HMCN2: variants seen among roughly 807,000 people sequenced by gnomAD.
The protein encoded by HMCN2 is hemicentin 2.
HMCN2 carries 325 observed loss-of-function variants against 377.5 expected under a neutral mutation model. The ratio of observed to expected loss-of-function variants is 0.86; its 90% CI spans 0.79 to 0.94. The LOEUF is 0.94. Among genes scored for constraint, HMCN2 ranks in the 40% least tolerant of loss-of-function variants. The pLI is 0.00. For synonymous variants in HMCN2, 2,007 were observed against 2,046.8 expected (o/e 0.98, Z 0.53); for missense variants, 4,543 against 4,725.3 (o/e 0.96, Z 1.13).
In HMCN2 at chr9:130,398,023, C is replaced by T. The variant is rs971514565; in HGVS notation, c.11326+368C>T. ...TTTAAATTAGCCAAGCATGGTGGCA[C>T]GTGCCTGTAGTCCCAGCTACTTGGG... On this transcript the variant is annotated intron_variant, in intron 74 of 97. Coordinates refer to ENST00000683500, the MANE Select transcript of HMCN2 (RefSeq NM_001291815.2). 1.3e-5 allele frequency among the ~76,000 whole-genome samples: 2 copies of T among 151,306 alleles called. 1 individual carries two copies. The highest frequency in any genetic ancestry group is 4.2e-4 in the South Asian group (2 of 4,768).
intron 12 of HMCN2, 111 bp downstream of exon 12, chr9:130,306,381 C>G: frequency 2.4e-6 from 1 of 409,788 alleles, no homozygotes; most frequent in Non-Finnish European, 5.1e-6. Context: ...GAGAATTTGC[C>G]TTCCTTGCTC....
At chr9:130,386,735 C>T (rs185510797) in intron 61 of HMCN2, among the ~76,000 whole-genome samples, 47 of 152,308 alleles carry the variant, frequency 3.1e-4, no homozygotes, top group African/African-American at 1.1e-3. Context: ...GTTTCGAACC[C>T]CTGGGCTCAA....
At chr9:130,320,641 C>T (rs1172698279) in intron 17 of HMCN2, 135 bp from the exon 18 acceptor site, 2 of 152,420 alleles carry the variant, frequency 1.3e-5, no homozygotes, top group Non-Finnish European at 2.9e-5. Flanking sequence ...CCTGGGGGTC[C>T]TGTGACCCTT....
chr9:130,425,558 G>C, intron 89 of HMCN2, 129 bp from the exon 90 acceptor site: 1 of 697,384 alleles, frequency 1.4e-6, no homozygotes, highest in Non-Finnish European at 2.5e-6. Flanking sequence ...TCAAGCCCCT[G>C]AGTTGGGGTA....
chr9:130,418,225 T>C (rs371535592), intron 85 of HMCN2, among the ~76,000 whole-genome samples: 21 of 152,274 alleles, frequency 1.4e-4, no homozygotes, highest in African/African-American at 4.8e-4. Flanking sequence ...AACAGATATG[T>C]AACTGCATGG....
chr9:130,269,165 A>G (rs552797226), intron 1 of HMCN2, among the ~76,000 whole-genome samples: 1 of 147,400 alleles, frequency 6.8e-6, no homozygotes, highest in South Asian at 2.2e-4. Flanking sequence ...ACAAACTAAG[A>G]TCCGTGCTTC....
chr9:130,374,617 C>T lies in HMCN2; in HGVS notation c.7554C>T (p.Ser2518=). 1 of 985,786 alleles carries T rather than the reference C, an allele frequency of 1.0e-6. No individual in the cohort carries two copies. The highest frequency in any genetic ancestry group is 1.2e-6 in the Non-Finnish European group (1 of 829,940). 61.1% of individuals were successfully genotyped at this position (985,786 alleles called of 1,614,324 possible). ...VLLQVLQANL[S]SAGHYSCIAA... ...TGCAGGTCCTCCAGGCAAACCTGTC[C>T]AGTGCTGGCCACTACTCCTGCATTG... The change falls in exon 49 of 98, where the codon TCC becomes TCT. Residue 2518 remains serine, a synonymous_variant. Coordinates refer to ENST00000683500, the MANE Select transcript of HMCN2 (RefSeq NM_001291815.2).
In HMCN2 at chr9:130,407,659, G is replaced by A; in HGVS notation, c.12642G>A (p.Glu4214=). Residue 4214 remains glutamate (E), a synonymous_variant, in exon 83 of 98, where the codon GAG becomes GAA. Coordinates refer to ENST00000683500, the MANE Select transcript of HMCN2 (RefSeq NM_001291815.2). ...EDSGTYVCWA[E]NRVGRTQAVS... ...GCGGGACCTATGTCTGCTGGGCGGA[G>A]AACAGAGTGGGCCGCACGCAGGCGG... 4 of 1,278,120 alleles carry A rather than the reference G, an allele frequency of 3.1e-6. No individual in the cohort carries two copies. Among genetic ancestry groups the A allele is most frequent in the South Asian group, 1.2e-5 (1 of 80,322 alleles). 79.2% of individuals were successfully genotyped at this position (1,278,120 alleles called of 1,614,324 possible).
chr9:130,348,545 T>G lies in HMCN2; in HGVS notation c.4025T>G (p.Val1342Gly), dbSNP rs747892344. The change falls in exon 27 of 98, where the codon GTG becomes GGG. Residue 1342 changes from valine to glycine, a missense_variant and splice_region_variant. This residue lies in a region of HMCN2 where 547 missense variants were observed against 189.9 expected (regional missense o/e 2.88). Transcript: ENST00000683500. Reference protein sequence around the residue: ...TSRRAKLVVYVPPSIREDGRK... With the variant: ...TSRRAKLVVYGPPSIREDGRK... ...CTCCTCGGCTCTCCTTGCCCCCAAG[T>G]GCCCCCCAGCATCCGGGAGGACGGG... is the stretch of plus-strand genomic sequence containing the variant. 7.7e-7 allele frequency: 1 copy of G among 1,303,866 alleles called. No individual in the cohort carries two copies. The highest frequency in any genetic ancestry group is 1.2e-5 in the South Asian group (1 of 81,008). 80.8% of individuals were successfully genotyped at this position (1,303,866 alleles called of 1,614,324 possible).
chr9:130,424,339 C>T (rs1021933185), intron 87 of HMCN2, among the ~76,000 whole-genome samples: 6 of 118,260 alleles, frequency 5.1e-5, no homozygotes, highest in African/African-American at 1.0e-4. Flanking sequence ...CCACGGCGCC[C>T]GGCTAATTTT....
At position 130,351,604 on chromosome 9, in the gene HMCN2, C is replaced by T. The variant is rs188464237; in HGVS notation, c.4585+27C>T. On this transcript the variant is annotated intron_variant, in intron 30 of 97. Coordinates refer to ENST00000683500, the MANE Select transcript of HMCN2 (RefSeq NM_001291815.2). The surrounding 1 kb of genome is among the most constrained non-coding windows in gnomAD (Gnocchi z 5.4). Reference sequence around the variant, plus strand: ...TGAGCCCCCACGCCTTCTGGGACCCCGCCACAGGCTACTCAGGAAGCTTCC... The same window carrying T: ...TGAGCCCCCACGCCTTCTGGGACCCTGCCACAGGCTACTCAGGAAGCTTCC... 3.0e-4 allele frequency: 382 copies of T among 1,291,362 alleles called. 2 individuals are homozygous for T. The African/African-American group carries it at 5.2e-3, about 18-fold the overall frequency. 80.0% of individuals were successfully genotyped at this position (1,291,362 alleles called of 1,614,324 possible).
rs1010064438 is a variant in HMCN2, at chr9:130,391,503, C to T, written c.9881C>T (p.Ala3294Val). The T allele has an allele frequency of 5.1e-6, 5 of 987,834 alleles. No homozygotes were observed. Among genetic ancestry groups the T allele is most frequent in the South Asian group, 4.7e-5 (1 of 21,384 alleles). The allele number at this position is 987,834 out of a possible 1,614,324, so 61.2% of individuals were successfully genotyped here. ...CTAAAAGGCCTGAGGGCCTCGGACG[C>T]GGGTGCCTACACCTGCGTGGCCCAC... Reference protein sequence around the residue: ...LVLKGLRASDAGAYTCVAHNP... With the variant: ...LVLKGLRASDVGAYTCVAHNP... The change falls in exon 65 of 98, where the codon GCG becomes GTG. Residue 3294 changes from alanine to valine, a missense_variant. By Grantham distance (64) the Ala-to-Val change is moderately conservative (BLOSUM62 0). This residue lies in a region of HMCN2 where 1,073 missense variants were observed against 1,319.5 expected (regional missense o/e 0.81). Transcript: ENST00000683500.
At chr9:130,336,662 A>C (rs1167701302) in intron 22 of HMCN2, among the ~76,000 whole-genome samples, 1 of 152,284 alleles carries the variant, frequency 6.6e-6, no homozygotes, top group Non-Finnish European at 1.5e-5. Context: ...TTGTCCCAAG[A>C]GGCTGCTGGA....
In HMCN2 at chr9:130,430,493, G is replaced by A. The variant is rs536896772; in HGVS notation, c.14536G>A (p.Gly4846Ser). The change falls in exon 95 of 98, where the codon GGT (glycine) becomes AGT (serine). Residue 4846 changes from glycine (G) to serine (S), a missense_variant. Gly to Ser is a moderately conservative substitution (Grantham distance 56, BLOSUM62 0). Transcript: ENST00000683500. Reference sequence around the variant, plus strand: ...GCTGCGGCCCTGGGCCTCGATCCCCGGTACCTCCTACCACGCCTGGGTCTC... The same window carrying A: ...GCTGCGGCCCTGGGCCTCGATCCCCAGTACCTCCTACCACGCCTGGGTCTC... ...PWLRPWASIP[G>S]TSYHAWVSLR... 751 of 1,550,356 alleles carry A rather than the reference G, an allele frequency of 4.8e-4. 3 individuals carry two copies. Among genetic ancestry groups the A allele is most frequent in the South Asian group, 1.6e-3 (138 of 84,060 alleles).
chr9:130,308,881 C>G lies in HMCN2; in HGVS notation c.2201-1031C>G, dbSNP rs1837051616. Among the ~76,000 whole-genome samples, 1 of 152,200 alleles carries G rather than the reference C, an allele frequency of 6.6e-6. No homozygotes were observed. Among genetic ancestry groups the G allele is most frequent in the Non-Finnish European group, 1.5e-5 (1 of 68,034 alleles). On this transcript the variant is annotated intron_variant, in intron 14 of 97. Coordinates refer to ENST00000683500, the MANE Select transcript of HMCN2 (RefSeq NM_001291815.2). The surrounding 1 kb of genome is among the most constrained non-coding windows in gnomAD (Gnocchi z 4.1). ...TCTCTGATCCCACTTATGTGAGTTACCTAGAGATGTCAAATTCATAGAGAC... is the reference window on the plus strand; with the variant it reads ...TCTCTGATCCCACTTATGTGAGTTAGCTAGAGATGTCAAATTCATAGAGAC...
chr9:130,432,327 C>T (rs1844806058), intron 96 of HMCN2, 102 bp from the exon 97 acceptor site: 1 of 1,081,122 alleles, frequency 9.2e-7, no homozygotes, highest in South Asian at 1.4e-5. Flanking sequence ...GGGCTGCCCA[C>T]CTCACTGGTC....
intron 6 of HMCN2, among the ~76,000 whole-genome samples, 154 bp downstream of exon 6, chr9:130,295,926 G>A (rs1836123972): frequency 6.6e-6 from 1 of 152,208 alleles, no homozygotes; most frequent in Non-Finnish European, 1.5e-5. Flanking sequence ...AACGGGTCAA[G>A]GACAGAGAAA....
Position 130,285,142 on chromosome 9 carries a change from T to G in HMCN2, c.331-16T>G, listed in dbSNP as rs919555796. The G allele has an allele frequency of 2.1e-6, 1 of 470,578 alleles. No individual in the cohort carries two copies. Among genetic ancestry groups the G allele is most frequent in the South Asian group, 1.5e-5 (1 of 64,548 alleles). 29.2% of individuals were successfully genotyped at this position (470,578 alleles called of 1,614,324 possible). On this transcript the variant is annotated splice_polypyrimidine_tract_variant and intron_variant, in intron 2 of 97. Coordinates refer to ENST00000683500, the MANE Select transcript of HMCN2 (RefSeq NM_001291815.2). ...AGGAGGCAGGTGGCAGCTGCTGACA[T>G]GCTTCTGCCCTCCAGGGAGGTGGTG...
rs1843033938 is a variant in HMCN2, at chr9:130,405,187, T to C, written c.12339+128T>C. 1.6e-5 allele frequency: 10 copies of C among 622,970 alleles called. No homozygotes were observed. The South Asian group carries it at 2.1e-4, about 13-fold the overall frequency. The allele number at this position is 622,970 out of a possible 1,614,324, so 38.6% of individuals were successfully genotyped here. The stretch of plus-strand genomic sequence containing the variant: ...GGGAAATCAGTGTCACCATCCCGGG[T>C]ACAGACAGCCAGAACTGAGGCTCAA... On this transcript the variant is annotated intron_variant, in intron 81 of 97. Coordinates refer to ENST00000683500, the MANE Select transcript of HMCN2 (RefSeq NM_001291815.2).
Sources: gnomAD v4.1 joint callset for allele counts (sites outside exome capture counted in the v4.1 genomes callset) on GRCh38, gnomAD v4.1.1 for gene constraint, gnomAD v4.1.1 regional missense constraint, Gnocchi (gnomAD v3.1) non-coding constraint, MANE v1.5 for transcripts, NCBI Gene and HGNC (gene_info 2026-07-23, HGNC 2026-07-21) for gene names.